MACROD2: variants seen among roughly 807,000 people sequenced by gnomAD.
The protein encoded by MACROD2 is ADP-ribose glycohydrolase MACROD2.
MACROD2 carries 36 observed loss-of-function variants against 70.4 expected under a neutral mutation model. The ratio of observed to expected loss-of-function variants is 0.51; its 90% CI spans 0.39 to 0.68. MACROD2 has a LOEUF of 0.68. Ranked by LOEUF, MACROD2 falls within the 30% of genes least tolerant of loss-of-function variation. The pLI, the probability that MACROD2 is intolerant of heterozygous loss-of-function variation, is 0.00. For missense variants in MACROD2, 496 were observed against 538.4 expected, an observed-to-expected ratio of 0.92 and a Z score of 0.78; for synonymous variants, 172 against 178.8, an observed-to-expected ratio of 0.96 and a Z score of 0.30.
At chr20:15,390,505 T>G (rs551295698) in intron 6 of MACROD2, among the ~76,000 whole-genome samples, 2 of 152,316 alleles carry the variant, frequency 1.3e-5, no homozygotes, top group South Asian at 4.1e-4. Flanking sequence ...TCTAGAACAG[T>G]GCTTGGCACA....
intron 5 of MACROD2, among the ~76,000 whole-genome samples, chr20:15,202,857 T>C (rs2145930892): frequency 6.6e-6 from 1 of 152,242 alleles, no homozygotes; most frequent in Non-Finnish European, 1.5e-5. Context: ...CAAAATGAAA[T>C]CATTTTGATG....
intron 2 of MACROD2, among the ~76,000 whole-genome samples, chr20:14,003,061 C>T (rs948249170): frequency 2.6e-5 from 4 of 152,146 alleles, no homozygotes; most frequent in African/African-American, 7.2e-5. Context: ...AATTAACACT[C>T]GTTGGTATTA....
Position 15,335,944 on chromosome 20 carries a change from G to A in MACROD2, c.541-95461G>A, listed in dbSNP as rs141323852. ...TTGCATTTCCTAGAACATGCCTTGC[G>A]CTTTCTAGCCTTCAGACCTTTTCTC... On this transcript the variant is annotated intron_variant, in intron 6 of 17. Coordinates refer to ENST00000684519, the MANE Select transcript of MACROD2 (RefSeq NM_001351661.2). Among the ~76,000 whole-genome samples the A allele has an allele frequency of 1.5e-3, 220 of 151,692 alleles. 4 individuals carry two copies. The highest frequency in any genetic ancestry group is 4.5e-3 in the African/African-American group (183 of 41,060).
intron 8 of MACROD2, among the ~76,000 whole-genome samples, chr20:15,803,668 A>G (rs1326293505): frequency 2.0e-5 from 3 of 152,152 alleles, no homozygotes; most frequent in Non-Finnish European, 2.9e-5. Context: ...TTCCTTCTCC[A>G]CTAGCTATTT....
chr20:14,020,908 A>G (rs1238428520), intron 2 of MACROD2, among the ~76,000 whole-genome samples: 1 of 145,182 alleles, frequency 6.9e-6, no homozygotes, highest in East Asian at 2.0e-4. Flanking sequence ...CTTCTTAGGT[A>G]TTTTCTGAGC....
At chr20:14,133,887 C>A (rs962596968) in intron 3 of MACROD2, among the ~76,000 whole-genome samples, 2 of 152,200 alleles carry the variant, frequency 1.3e-5, no homozygotes, top group Non-Finnish European at 2.9e-5. Context: ...ACTAAGGTAA[C>A]CCTCCTTCCC....
At chr20:15,084,476 G>T (rs565492239) in intron 5 of MACROD2, among the ~76,000 whole-genome samples, 133 of 152,260 alleles carry the variant, frequency 8.7e-4, no homozygotes, top group African/African-American at 3.2e-3. Flanking sequence ...TACAACATGA[G>T]TGAGAAAGAA....
At chr20:16,003,448 C>A (rs1412085835) in intron 15 of MACROD2, among the ~76,000 whole-genome samples, 2 of 151,962 alleles carry the variant, frequency 1.3e-5, no homozygotes, top group Non-Finnish European at 2.9e-5. Flanking sequence ...AGCAAATAAG[C>A]AGAGTTTGGA....
At chr20:14,794,754 G>A (rs539257743) in intron 5 of MACROD2, among the ~76,000 whole-genome samples, 1 of 152,050 alleles carries the variant, frequency 6.6e-6, no homozygotes, top group South Asian at 2.1e-4. Flanking sequence ...TAAGTGCCAG[G>A]CACTGAGGAA....
intron 9 of MACROD2, among the ~76,000 whole-genome samples, chr20:15,878,592 G>A (rs1332890616): frequency 6.6e-6 from 1 of 151,988 alleles, no homozygotes; most frequent in Non-Finnish European, 1.5e-5. Context: ...ATTAATTATG[G>A]TGGCTCTAGG....
chr20:15,445,379 G>C (rs915962271), intron 7 of MACROD2, among the ~76,000 whole-genome samples: 1 of 152,056 alleles, frequency 6.6e-6, no homozygotes, highest in Non-Finnish European at 1.5e-5. Context: ...GCACTTCCAA[G>C]CTCCCTAAAA....
At chr20:15,120,479 G>GC (rs765282408) in intron 5 of MACROD2, among the ~76,000 whole-genome samples, 4 of 152,104 alleles carry the variant, frequency 2.6e-5, no homozygotes, top group Non-Finnish European at 4.4e-5. Flanking sequence ...TTTATTTAAA[G>GC]CCAGCACTCT....
At chr20:15,128,540 T>C (rs1251996268) in intron 5 of MACROD2, among the ~76,000 whole-genome samples, 1 of 152,126 alleles carries the variant, frequency 6.6e-6, no homozygotes, top group Non-Finnish European at 1.5e-5. Context: ...ATTTTAATAC[T>C]CTGAGGTAGG....
chr20:15,604,542 C>G (rs1208889833), intron 8 of MACROD2, among the ~76,000 whole-genome samples: 1 of 152,266 alleles, frequency 6.6e-6, no homozygotes, highest in South Asian at 2.1e-4. Flanking sequence ...CCAAATGGGA[C>G]GTGCCCAGCT....
intron 5 of MACROD2, among the ~76,000 whole-genome samples, chr20:14,955,333 A>G (rs1028219378): frequency 6.9e-6 from 1 of 144,202 alleles, no homozygotes; most frequent in African/African-American, 2.6e-5. Context: ...TATAACATAT[A>G]CTATATAATT....
intron 5 of MACROD2, among the ~76,000 whole-genome samples, chr20:15,002,002 T>C (rs947889748): frequency 1.4e-4 from 21 of 152,054 alleles, no homozygotes; most frequent in African/African-American, 3.4e-4. Flanking sequence ...AATTCCTTTA[T>C]CCACTAGTTG....
chr20:15,192,014 GTATCTATCTATC>G (rs71190179), intron 5 of MACROD2, among the ~76,000 whole-genome samples: 37,975 of 146,312 alleles, frequency 0.26, 5,741 homozygotes, highest in East Asian at 0.61. Context: ...TATTAACTAT[GTATCTATCTATC>G]TATCTATCTA....
intron 4 of MACROD2, among the ~76,000 whole-genome samples, chr20:14,653,513 C>T (rs528268375): frequency 1.4e-5 from 2 of 145,972 alleles, no homozygotes; most frequent in East Asian, 2.0e-4. Flanking sequence ...CCACCAAGCC[C>T]GGCTGCAATT....
chr20:15,720,453 C>T (rs2050771684), intron 8 of MACROD2, among the ~76,000 whole-genome samples: 2 of 152,200 alleles, frequency 1.3e-5, no homozygotes, highest in African/African-American at 4.8e-5. Context: ...CTCTATCCTT[C>T]TGCCTTCTCT....
Sources: gnomAD v4.1 joint callset for allele counts (sites outside exome capture counted in the v4.1 genomes callset) on GRCh38, gnomAD v4.1.1 for gene constraint, MANE v1.5 for transcripts, NCBI Gene and HGNC (gene_info 2026-07-23, HGNC 2026-07-21) for gene names.